GPC6: variants seen among roughly 807,000 people sequenced by gnomAD.
The protein encoded by GPC6 is glypican-6.
In GPC6, 14 loss-of-function variants were observed where a neutral mutation model predicts 55.2. The observed-to-expected ratio is 0.25, with a 90% CI of 0.17 to 0.40. The LOEUF (loss-of-function observed/expected upper bound fraction) is 0.40. Ranked by LOEUF, GPC6 falls within the 10% of genes least tolerant of loss-of-function variation. The pLI is 1.00. For synonymous variants in GPC6, 278 were observed against 259.6 expected (o/e 1.07, Z -0.68); for missense variants, 641 against 708.5 (o/e 0.90, Z 1.08).
chr13:94,034,854 A>C (rs1445005608), intron 4 of GPC6, among the ~76,000 whole-genome samples: 1 of 151,678 alleles, frequency 6.6e-6, no homozygotes, highest in Non-Finnish European at 1.5e-5. Flanking sequence ...TTGTGCAACT[A>C]AAATTCATTA....
intron 2 of GPC6, among the ~76,000 whole-genome samples, chr13:93,731,764 CT>C (rs1275349222): frequency 1.3e-4 from 20 of 152,080 alleles, no homozygotes. Context: ...TAAAGGAAGC[CT>C]AGTTATAAAG....
At chr13:93,288,606 C>T (rs1878215218) in intron 1 of GPC6, among the ~76,000 whole-genome samples, 1 of 152,178 alleles carries the variant, frequency 6.6e-6, no homozygotes, top group South Asian at 2.1e-4. Context: ...TAAAAAGGCA[C>T]TTCATAAAAC....
chr13:93,299,680 A>G (rs1482839077), intron 1 of GPC6, among the ~76,000 whole-genome samples: 2 of 152,220 alleles, frequency 1.3e-5, no homozygotes, highest in African/African-American at 4.8e-5. Flanking sequence ...TTAGATTGCA[A>G]ACTCACATAG....
intron 1 of GPC6, among the ~76,000 whole-genome samples, chr13:93,257,155 A>G (rs1367123480): frequency 6.6e-6 from 1 of 151,506 alleles, no homozygotes; most frequent in Non-Finnish European, 1.5e-5. Flanking sequence ...AAAAAAAATT[A>G]TCAGGCATGA....
chr13:94,221,998 T>G (rs1316872671), intron 4 of GPC6, among the ~76,000 whole-genome samples: 1 of 152,016 alleles, frequency 6.6e-6, no homozygotes, highest in Non-Finnish European at 1.5e-5. Flanking sequence ...GTTTTCCTTG[T>G]CTAGTGATAG....
At chr13:93,519,430 C>T (rs1348997560) in intron 1 of GPC6, among the ~76,000 whole-genome samples, 1 of 151,952 alleles carries the variant, frequency 6.6e-6, no homozygotes, top group Non-Finnish European at 1.5e-5. Context: ...CTACATTTTC[C>T]TAGTACAAGG....
intron 3 of GPC6, among the ~76,000 whole-genome samples, chr13:93,954,928 T>G (rs1194668690): frequency 1.3e-5 from 2 of 152,104 alleles, no homozygotes; most frequent in Non-Finnish European, 2.9e-5. Context: ...TTGTCACACT[T>G]ATGTTCTTGA....
intron 1 of GPC6, among the ~76,000 whole-genome samples, chr13:93,307,469 A>G (rs535098865): frequency 1.1e-4 from 17 of 152,274 alleles, no homozygotes; most frequent in African/African-American, 3.8e-4. Flanking sequence ...TGCAAGGGGA[A>G]AAGTTAAAAA....
chr13:94,127,397 T>C (rs1886856383), intron 4 of GPC6, among the ~76,000 whole-genome samples: 1 of 152,108 alleles, frequency 6.6e-6, no homozygotes, highest in East Asian at 1.9e-4. Flanking sequence ...TCCCACTCTT[T>C]CTCTTGCTCC....
intron 5 of GPC6, among the ~76,000 whole-genome samples, chr13:94,294,372 G>A (rs1875202593): frequency 6.6e-6 from 1 of 150,830 alleles, no homozygotes; most frequent in African/African-American, 2.4e-5. Flanking sequence ...AAGATGAGCA[G>A]GATGGCCTTC....
intron 2 of GPC6, among the ~76,000 whole-genome samples, chr13:93,685,198 C>A (rs1882003431): frequency 6.6e-6 from 1 of 152,166 alleles, no homozygotes; most frequent in South Asian, 2.1e-4. Context: ...GTAGGCAGCA[C>A]AAAGGCCTCA....
intron 1 of GPC6, among the ~76,000 whole-genome samples, chr13:93,268,628 A>G (rs1052785042): frequency 6.6e-6 from 1 of 152,148 alleles, no homozygotes; most frequent in African/African-American, 2.4e-5. Flanking sequence ...CACTTGACTA[A>G]TTTTATGTTA....
chr13:93,248,461 G>A (rs1274492553), intron 1 of GPC6, among the ~76,000 whole-genome samples: 12 of 141,976 alleles, frequency 8.5e-5, no homozygotes, highest in Non-Finnish European at 1.5e-4. Context: ...TCTTTTTTAA[G>A]TGAGCCTCTG....
intron 2 of GPC6, among the ~76,000 whole-genome samples, chr13:93,792,662 G>T (rs1020862848): frequency 6.6e-6 from 1 of 152,172 alleles, no homozygotes; most frequent in African/African-American, 2.4e-5. Flanking sequence ...GAATCAGGTC[G>T]CATAATGAGG....
chr13:93,868,243 C>T (rs1329252727), intron 3 of GPC6, among the ~76,000 whole-genome samples: 2 of 151,720 alleles, frequency 1.3e-5, no homozygotes, highest in East Asian at 3.9e-4. Context: ...AACCTCATCT[C>T]ATGCTTTTTC....
chr13:93,228,917 C>T (rs532983733), intron 1 of GPC6, among the ~76,000 whole-genome samples: 1 of 152,210 alleles, frequency 6.6e-6, no homozygotes, highest in Admixed American at 6.5e-5. Flanking sequence ...TTTTTACTTA[C>T]ACTGAAATGA....
At chr13:94,276,113 A>C (rs1035675718) in intron 4 of GPC6, among the ~76,000 whole-genome samples, 2 of 152,234 alleles carry the variant, frequency 1.3e-5, no homozygotes, top group Admixed American at 6.5e-5. Context: ...ACATGGGTTG[A>C]ATTATGTACA....
At chr13:94,047,056 G>A (rs1371189278) in intron 4 of GPC6, among the ~76,000 whole-genome samples, 2 of 152,030 alleles carry the variant, frequency 1.3e-5, no homozygotes, top group East Asian at 1.9e-4. Flanking sequence ...TGAATAGAAC[G>A]AATCATTGCA....
intron 4 of GPC6, among the ~76,000 whole-genome samples, chr13:94,277,010 C>T (rs1892234338): frequency 6.6e-6 from 1 of 152,174 alleles, no homozygotes; most frequent in Admixed American, 6.5e-5. Flanking sequence ...GAGGAATTGC[C>T]ATACTGTCTT....
Sources: gnomAD v4.1 joint callset for allele counts (sites outside exome capture counted in the v4.1 genomes callset) on GRCh38, gnomAD v4.1.1 for gene constraint, MANE v1.5 for transcripts, NCBI Gene and HGNC (gene_info 2026-07-23, HGNC 2026-07-21) for gene names.